Variants in SSBP3 observed in about 807,000 individuals in gnomAD.
The protein encoded by SSBP3 is single-stranded DNA-binding protein 3.
Under a neutral mutation model 69.6 loss-of-function variants are expected in SSBP3, and 5 were observed. The observed-to-expected ratio is 0.07, with a 90% CI of 0.04 to 0.15. SSBP3 has a LOEUF of 0.15. Among genes scored for constraint, SSBP3 ranks in the 10% least tolerant of loss-of-function variants. The probability of loss-of-function intolerance (pLI) is 1.00; values close to 1 mark genes in which losing one functional copy is unlikely to be tolerated. For missense variants in SSBP3, 312 were observed against 534.0 expected (o/e 0.58, Z 4.10); for synonymous variants, 196 against 193.4 (o/e 1.01, Z -0.11).
At position 54,405,613 on chromosome 1, in the gene SSBP3, G is replaced by A. The variant is rs554115933; in HGVS notation, c.56+340C>T. On this transcript the variant is annotated intron_variant, in intron 1 of 17. Coordinates refer to ENST00000610401, the Ensembl canonical transcript of SSBP3. ...GCAAAGTGCGGCCACCGCGGGGAGC[G>A]CCCGGCTGGGGAGAACGTCGAGGCT... The A allele has an allele frequency of 5.2e-5, 8 of 154,070 alleles. No homozygotes were observed. In the East Asian group the frequency reaches 9.6e-4, roughly 19 times the overall value. 9.5% of individuals were successfully genotyped at this position (154,070 alleles called of 1,614,324 possible).
chr1:54,233,270 C>T (rs1301805591), intron 14 of SSBP3, among the ~76,000 whole-genome samples: 2 of 150,066 alleles, frequency 1.3e-5, no homozygotes, highest in Admixed American at 1.3e-4. Context: ...TGCCCGGCCG[C>T]GACCCCATCT....
chr1:54,316,250 G>A (rs61776533), intron 4 of SSBP3, among the ~76,000 whole-genome samples: 19,629 of 152,106 alleles, frequency 0.13, 1,541 homozygotes, highest in East Asian at 0.24. Context: ...GGCTGAGGGA[G>A]GAGGATGGTA....
At position 54,241,467 on chromosome 1, in the gene SSBP3, C is replaced by T; in HGVS notation, c.801+7G>A. On this transcript the variant is annotated splice_region_variant and intron_variant, in intron 12 of 17. Transcript: ENST00000610401. The stretch of plus-strand genomic sequence containing the variant: ...AGACATGCAATGCCCCAAACCCACA[C>T]ACTTACCACATAGGTACCAGGTGAT... The T allele has an allele frequency of 6.2e-7, 1 of 1,614,158 alleles. No individual in the cohort carries two copies. The highest frequency in any genetic ancestry group is 8.5e-7 in the Non-Finnish European group (1 of 1,179,988).
rs758057481 is a variant in SSBP3, at chr1:54,228,824, G to A, written c.930C>T (p.Phe310=). The change falls in exon 15 of 18, where the codon TTC becomes TTT. Residue 310 remains phenylalanine, a splice_region_variant and synonymous_variant. Transcript: ENST00000610401. ...GACCGTCCGAGCCGGGACCCATCGG[G>A]AACTGGGGAAGAAGCACAGGGCATG... 5.0e-6 allele frequency: 8 copies of A among 1,611,550 alleles called. No individual in the cohort carries two copies. The South Asian group carries it at 7.7e-5, about 16-fold the overall frequency.
intron 5 of SSBP3, among the ~76,000 whole-genome samples, chr1:54,271,233 C>T (rs185091741): frequency 6.6e-6 from 1 of 152,218 alleles, no homozygotes; most frequent in African/African-American, 2.4e-5. Context: ...ACCTCAGCCT[C>T]CAGAGCAGCT....
chr1:54,281,364 C>T, intron 5 of SSBP3, 74 bp downstream of exon 5: 1 of 1,282,226 alleles, frequency 7.8e-7, no homozygotes, highest in Admixed American at 2.4e-5. Flanking sequence ...TACTTCTCTC[C>T]CGCCCTCCCA....
chr1:54,410,824 G>A (rs1649968983), upstream of SSBP3, among the ~76,000 whole-genome samples: 1 of 152,186 alleles, frequency 6.6e-6, no homozygotes, highest in African/African-American at 2.4e-5. Context: ...TCGCCTACTA[G>A]GCTATTAGTC....
At chr1:54,260,532 G>T (rs575897363) in intron 5 of SSBP3, among the ~76,000 whole-genome samples, 1 of 152,356 alleles carries the variant, frequency 6.6e-6, no homozygotes, top group Admixed American at 6.5e-5. Flanking sequence ...TCCAACCGGG[G>T]TCTGCTGAGA....
intron 17 of SSBP3, 31 bp from the exon 18 acceptor site, chr1:54,227,191 G>GT: frequency 9.2e-7 from 1 of 1,084,186 alleles, no homozygotes; most frequent in South Asian, 1.2e-5. Flanking sequence ...AGGGGGGGGG[G>GT]TGAGGATTGT....
intron 4 of SSBP3, among the ~76,000 whole-genome samples, chr1:54,331,145 G>C (rs1421606818): frequency 6.6e-6 from 1 of 152,110 alleles, no homozygotes; most frequent in African/African-American, 2.4e-5. Context: ...AATAACCTCC[G>C]CATGTAACGT....
At position 54,269,099 on chromosome 1, in the gene SSBP3, C is replaced by T. The variant is rs1223299197; in HGVS notation, c.367-10950G>A. 2.0e-5 allele frequency among the ~76,000 whole-genome samples: 3 copies of T among 152,270 alleles called. No homozygotes were observed. In the East Asian group the frequency reaches 5.8e-4, roughly 29 times the overall value. On this transcript the variant is annotated intron_variant, in intron 5 of 17. Coordinates refer to ENST00000610401, the Ensembl canonical transcript of SSBP3. Reference sequence around the variant, plus strand: ...CCCGCCTCGTGGAATCCTTCAGGAACCTCCTTTCTTTGGCTCAGCCCTCCT... The same window carrying T: ...CCCGCCTCGTGGAATCCTTCAGGAATCTCCTTTCTTTGGCTCAGCCCTCCT...
intron 4 of SSBP3, among the ~76,000 whole-genome samples, chr1:54,398,247 A>C (rs1649035930): frequency 6.6e-6 from 1 of 152,218 alleles, no homozygotes; most frequent in South Asian, 2.1e-4. Context: ...GCAGCTGCAA[A>C]GCCCAGCCAC....
intron 4 of SSBP3, among the ~76,000 whole-genome samples, chr1:54,297,935 A>G (rs941051700): frequency 6.6e-6 from 1 of 152,138 alleles, no homozygotes; most frequent in Non-Finnish European, 1.5e-5. Context: ...CAGATGTTCC[A>G]TCAGATCCCT....
At chr1:54,347,938 G>A (rs868122872) in intron 4 of SSBP3, among the ~76,000 whole-genome samples, 6 of 152,124 alleles carry the variant, frequency 3.9e-5, no homozygotes, top group Admixed American at 6.6e-5. Context: ...TTGTTACTGC[G>A]TCTAGAAAAC....
chr1:54,346,952 G>C (rs946299088), intron 4 of SSBP3, among the ~76,000 whole-genome samples: 2 of 152,056 alleles, frequency 1.3e-5, no homozygotes, highest in Non-Finnish European at 2.9e-5. Context: ...AAATGGCAGA[G>C]TGCACACACA....
At chr1:54,232,526 G>A (rs1644397436) in intron 14 of SSBP3, among the ~76,000 whole-genome samples, 1 of 152,268 alleles carries the variant, frequency 6.6e-6, no homozygotes, top group African/African-American at 2.4e-5. Context: ...GCCCAGGAGT[G>A]CAAAAACAAC....
chr1:54,353,248 A>G (rs900176537), intron 4 of SSBP3, among the ~76,000 whole-genome samples: 1 of 152,190 alleles, frequency 6.6e-6, no homozygotes, highest in African/African-American at 2.4e-5. Flanking sequence ...TAATTGGAAT[A>G]GGGCAGACCC....
intron 14 of SSBP3, chr1:54,238,350 A>G (rs1384242705): frequency 4.3e-6 from 2 of 470,244 alleles, no homozygotes; most frequent in African/African-American, 2.0e-5. Flanking sequence ...CAGTCTGTAG[A>G]CCTCCTTTTC....
At chr1:54,328,744 T>C (rs1412568440) in intron 4 of SSBP3, among the ~76,000 whole-genome samples, 3 of 152,318 alleles carry the variant, frequency 2.0e-5, no homozygotes, top group South Asian at 2.1e-4. Flanking sequence ...TGATTCCCTC[T>C]CCAGTGGCAT....
Sources: gnomAD v4.1 joint callset for allele counts (sites outside exome capture counted in the v4.1 genomes callset) on GRCh38, gnomAD v4.1.1 for gene constraint, MANE v1.5 for transcripts, NCBI Gene and HGNC (gene_info 2026-07-23, HGNC 2026-07-21) for gene names.